NDUFAF6: variants seen among roughly 807,000 people sequenced by gnomAD.
The protein encoded by NDUFAF6 is NADH:ubiquinone oxidoreductase complex assembly factor 6.
In NDUFAF6, 45 loss-of-function variants were observed where a neutral mutation model predicts 40.8. The observed-to-expected ratio is 1.10, with a 90% CI of 0.87 to 1.42. The LOEUF (loss-of-function observed/expected upper bound fraction) is 1.42. Among genes scored for constraint, NDUFAF6 ranks in the 40% most tolerant of loss-of-function variants. The probability of loss-of-function intolerance (pLI) is 0.00; values close to 1 mark genes in which losing one functional copy is unlikely to be tolerated. For synonymous variants in NDUFAF6, 185 were observed against 155.9 expected (o/e 1.19, Z -1.39); for missense variants, 435 against 418.5 (o/e 1.04, Z -0.34).
At chr8:94,989,760 A>T (rs114735089) in intron 2 of NDUFAF6, among the ~76,000 whole-genome samples, 1 of 152,118 alleles carries the variant, frequency 6.6e-6, no homozygotes. Context: ...GCACATCACA[A>T]TGGTCTCTCT....
At chr8:94,986,942 C>T (rs1268377631) in intron 2 of NDUFAF6, among the ~76,000 whole-genome samples, 3 of 152,114 alleles carry the variant, frequency 2.0e-5, no homozygotes, top group African/African-American at 7.2e-5. Context: ...CAATGTTTAC[C>T]TTAGTAGTCA....
chr8:94,960,148 A>T (rs1247312289), intron 1 of NDUFAF6, among the ~76,000 whole-genome samples: 1 of 152,176 alleles, frequency 6.6e-6, no homozygotes, highest in Non-Finnish European at 1.5e-5. Context: ...TGCCTTAAAA[A>T]CACTTCCTTC....
chr8:94,979,824 A>G (rs1169837175), intron 1 of NDUFAF6, among the ~76,000 whole-genome samples: 2 of 152,232 alleles, frequency 1.3e-5, no homozygotes, highest in South Asian at 4.1e-4. Flanking sequence ...GCTGGGCACC[A>G]TGGCTTACGC....
At chr8:94,908,771 T>G (rs1047491766) in intron 1 of NDUFAF6, among the ~76,000 whole-genome samples, 4 of 152,204 alleles carry the variant, frequency 2.6e-5, no homozygotes, top group African/African-American at 9.6e-5. Flanking sequence ...TTTTGCCAGA[T>G]TTATAGCTGA....
chr8:95,060,047 C>T (rs989140079), downstream of NDUFAF6, among the ~76,000 whole-genome samples: 5 of 141,972 alleles, frequency 3.5e-5, no homozygotes, highest in Non-Finnish European at 6.4e-5. Flanking sequence ...GGTTTAATTA[C>T]GCGACTGGAT....
At chr8:95,064,562 T>C (rs72679240) in intron 9 of NDUFAF6, among the ~76,000 whole-genome samples, 3,684 of 129,366 alleles carry the variant, frequency 0.028, 112 homozygotes, top group African/African-American at 0.084. Flanking sequence ...TGTGTGTGTG[T>C]GCGCGCGTGC....
chr8:94,944,846 C>T (rs1262194442), intron 1 of NDUFAF6, among the ~76,000 whole-genome samples: 1 of 152,158 alleles, frequency 6.6e-6, no homozygotes, highest in Non-Finnish European at 1.5e-5. Flanking sequence ...GCTGAATCAC[C>T]TCGTCACTCT....
intron 1 of NDUFAF6, among the ~76,000 whole-genome samples, chr8:94,966,458 G>A (rs1824021435): frequency 6.6e-6 from 1 of 152,064 alleles, no homozygotes; most frequent in Non-Finnish European, 1.5e-5. Flanking sequence ...GCCAGGTGTG[G>A]TAGCACGCGC....
chr8:94,939,722 T>C, intron 1 of NDUFAF6: 2 of 1,236,500 alleles, frequency 1.6e-6, no homozygotes, highest in East Asian at 2.4e-5. Context: ...CGGACCATCT[T>C]GTGTACTATG....
At chr8:95,100,464 A>T (rs1809616409) in exon 1 of NDUFAF6, 1 of 152,192 alleles carries the variant, frequency 6.6e-6, no homozygotes, top group Non-Finnish European at 1.5e-5. Flanking sequence ...TCCATGTCAG[A>T]GGCAAAGTTG....
Position 95,048,522 on chromosome 8 carries a change from T to C in NDUFAF6, c.780T>C (p.Tyr260=). ...ATAAAAATGTGAGAGATGTAATATA[T>C]GACATTGCCAGTCAAGCACACTTGC... The part of the protein sequence containing the change: ...NQDKNVRDVI[Y]DIASQAHLHL... The change falls in exon 7 of 9, where the codon TAT becomes TAC. Residue 260 remains tyrosine, a synonymous_variant. Transcript: ENST00000396124. 1 of 1,614,182 alleles carries C rather than the reference T, an allele frequency of 6.2e-7. No homozygotes were observed. Among genetic ancestry groups the C allele is most frequent in the South Asian group, 1.1e-5 (1 of 91,086 alleles).
At chr8:94,931,964 T>TC in intron 1 of NDUFAF6, 1 of 1,103,154 alleles carries the variant, frequency 9.1e-7, no homozygotes, top group Non-Finnish European at 1.3e-6. Context: ...AGAGTGAGAC[T>TC]CCATCTCAAA....
intron 1 of NDUFAF6, among the ~76,000 whole-genome samples, chr8:94,968,855 T>C (rs1226528653): frequency 1.3e-5 from 2 of 152,054 alleles, no homozygotes; most frequent in African/African-American, 2.4e-5. Context: ...GACTGGGTTC[T>C]AGATATATTT....
chr8:95,043,117 G>A (rs1830326675), intron 4 of NDUFAF6, among the ~76,000 whole-genome samples: 1 of 145,078 alleles, frequency 6.9e-6, no homozygotes, highest in African/African-American at 2.6e-5. Flanking sequence ...ATGGAGTCTC[G>A]CTCTGTTGCC....
At chr8:94,943,380 T>G (rs1821723227) in intron 1 of NDUFAF6, among the ~76,000 whole-genome samples, 1 of 152,164 alleles carries the variant, frequency 6.6e-6, no homozygotes, top group South Asian at 2.1e-4. Context: ...TCCTAGCTAC[T>G]TGGGAGGCTG....
At chr8:95,016,633 T>C (rs140806721) in intron 2 of NDUFAF6, among the ~76,000 whole-genome samples, 16,358 of 152,078 alleles carry the variant, frequency 0.11, 1,082 homozygotes, top group Middle Eastern at 0.22. Flanking sequence ...TCCCAGCTAC[T>C]TGGGAGGCTG....
At chr8:95,071,113 G>A (rs990879002) in intron 9 of NDUFAF6, among the ~76,000 whole-genome samples, 3 of 152,016 alleles carry the variant, frequency 2.0e-5, no homozygotes, top group African/African-American at 7.3e-5. Flanking sequence ...GCAACCGGCC[G>A]GGCGCGGTGG....
intron 2 of NDUFAF6, among the ~76,000 whole-genome samples, chr8:95,091,969 A>G (rs1809266636): frequency 6.6e-6 from 1 of 151,334 alleles, no homozygotes; most frequent in Non-Finnish European, 1.5e-5. Flanking sequence ...ATATAATATT[A>G]TGCTCTTGGA....
chr8:94,921,084 C>T (rs1819469756), intron 1 of NDUFAF6, among the ~76,000 whole-genome samples: 1 of 152,210 alleles, frequency 6.6e-6, no homozygotes, highest in African/African-American at 2.4e-5. Flanking sequence ...AAACCCAACC[C>T]AAACTAGCTT....
Sources: gnomAD v4.1 joint callset for allele counts (sites outside exome capture counted in the v4.1 genomes callset) on GRCh38, gnomAD v4.1.1 for gene constraint, MANE v1.5 for transcripts, NCBI Gene and HGNC (gene_info 2026-07-23, HGNC 2026-07-21) for gene names.